PLEKHS1: variants seen among roughly 807,000 people sequenced by gnomAD.
PLEKHS1 encodes the protein pleckstrin homology domain-containing family S member 1.
In PLEKHS1, 55 loss-of-function variants were observed where a neutral mutation model predicts 51.0. The ratio of observed to expected loss-of-function variants is 1.08; its 90% confidence interval spans 0.87 to 1.35. The LOEUF (loss-of-function observed/expected upper bound fraction) is 1.35. PLEKHS1 is among the 40% of genes most tolerant of loss of function. The pLI is 0.00. For synonymous variants in PLEKHS1, 153 were observed against 144.8 expected (o/e 1.06, Z -0.41); for missense variants, 398 against 423.0 (o/e 0.94, Z 0.52).
rs1844278920 is a variant in PLEKHS1, at chr10:113,768,896, T to C, written c.435+6T>C. On this transcript the variant is annotated splice_donor_region_variant and intron_variant, in intron 6 of 11. Transcript: ENST00000361048. The stretch of plus-strand genomic sequence containing the variant: ...CAACACAGCAGAACACAGAGGTGAC[T>C]CCATATCACTAATAAAATAACAGGG... The C allele has an allele frequency of 6.2e-7, 1 of 1,603,380 alleles. No homozygotes were observed. The highest frequency in any genetic ancestry group is 8.5e-7 in the Non-Finnish European group (1 of 1,175,494).
chr10:113,775,093 A>C, intron 10 of PLEKHS1, 58 bp downstream of exon 10: 17 of 1,416,528 alleles, frequency 1.2e-5, no homozygotes, highest in African/African-American at 1.5e-5. Context: ...CCTCCCTCCC[A>C]CTTTTTTTTT....
At chr10:113,773,200 T>C (rs1013714506) in intron 8 of PLEKHS1, among the ~76,000 whole-genome samples, 1 of 152,186 alleles carries the variant, frequency 6.6e-6, no homozygotes, top group Admixed American at 6.5e-5. Context: ...GCATTGTAAA[T>C]AGTCAAGTCA....
intron 11 of PLEKHS1, 63 bp from the exon 12 acceptor site, chr10:113,777,061 G>A (rs574729114): frequency 3.5e-5 from 55 of 1,588,754 alleles, no homozygotes; most frequent in African/African-American, 1.1e-4. Flanking sequence ...GAGACCCTGC[G>A]TGCCCTGCCC....
chr10:113,778,639 C>CTTTT (rs1274079728), intron 11 of PLEKHS1, among the ~76,000 whole-genome samples: 1 of 93,990 alleles, frequency 1.1e-5, no homozygotes, highest in East Asian at 2.7e-4. Flanking sequence ...CATTCGTTCA[C>CTTTT]TTTCTTTTTT....
chr10:113,758,534 G>C (rs1217982317), intron 2 of PLEKHS1, among the ~76,000 whole-genome samples: 1 of 152,166 alleles, frequency 6.6e-6, no homozygotes, highest in Non-Finnish European at 1.5e-5. Context: ...TTGTTGCACT[G>C]ATAGAGCACA....
At position 113,773,748 on chromosome 10, in the gene PLEKHS1, AG is replaced by A. The variant is rs376581864; in HGVS notation, c.673-474del. ...GCCACAAGTGACTCTCTTTGTTCTAAGGGGGCTATGGAGAGCTTCCTAAGGG... is the reference window on the plus strand; with the variant it reads ...GCCACAAGTGACTCTCTTTGTTCTAAGGGGCTATGGAGAGCTTCCTAAGGG... On this transcript the variant is annotated intron_variant, in intron 8 of 11. Coordinates refer to ENST00000361048, the Ensembl canonical transcript of PLEKHS1. 1.3e-4 allele frequency among the ~76,000 whole-genome samples: 20 copies of A among 152,258 alleles called. No individual in the cohort carries two copies. The South Asian group carries it at 4.2e-3, about 32-fold the overall frequency.
intron 11 of PLEKHS1, chr10:113,777,976 C>A (rs1023287733): frequency 3.0e-6 from 1 of 335,596 alleles, no homozygotes; most frequent in South Asian, 3.3e-5. Context: ...GAAGACAGAG[C>A]GAGACCCTGT....
intron 2 of PLEKHS1, among the ~76,000 whole-genome samples, chr10:113,757,542 C>T (rs1490064691): frequency 2.0e-5 from 3 of 152,156 alleles, no homozygotes; most frequent in Non-Finnish European, 4.4e-5. Context: ...TTATCTGAGC[C>T]TTCAGTGAGT....
chr10:113,762,365 C>CTTT (rs34457408), intron 2 of PLEKHS1, among the ~76,000 whole-genome samples: 17 of 61,780 alleles, frequency 2.8e-4, no homozygotes, highest in East Asian at 5.0e-4. Context: ...AGATTTGTTC[C>CTTT]TTTTTTTTTT....
intron 7 of PLEKHS1, among the ~76,000 whole-genome samples, chr10:113,771,674 CAAAA>C (rs11383972): frequency 1.3e-5 from 1 of 74,610 alleles, no homozygotes. Context: ...GACTCTGTCT[CAAAA>C]AAAAAAAAAA....
intron 3 of PLEKHS1, 25 bp downstream of exon 3, chr10:113,766,524 A>G (rs374567672): frequency 6.7e-5 from 106 of 1,583,548 alleles, no homozygotes; most frequent in Non-Finnish European, 8.3e-5. Flanking sequence ...TGATTTAACA[A>G]GCCTCCCACC....
chr10:113,769,307 T>G (rs892795705), intron 6 of PLEKHS1, among the ~76,000 whole-genome samples: 1 of 152,234 alleles, frequency 6.6e-6, no homozygotes, highest in Non-Finnish European at 1.5e-5. Context: ...GCTTAGCAGT[T>G]TTAAGTTTTA....
At chr10:113,759,956 C>A (rs1014005877) in intron 2 of PLEKHS1, among the ~76,000 whole-genome samples, 3 of 152,112 alleles carry the variant, frequency 2.0e-5, no homozygotes, top group Non-Finnish European at 4.4e-5. Context: ...AAATTATCAC[C>A]TAAATCAGGA....
intron 2 of PLEKHS1, among the ~76,000 whole-genome samples, chr10:113,764,292 G>T (rs1052964632): frequency 6.6e-6 from 1 of 152,070 alleles, no homozygotes; most frequent in African/African-American, 2.4e-5. Flanking sequence ...TAGAGACAGG[G>T]TTTCACCATG....
At chr10:113,758,786 A>G (rs1843789069) in intron 2 of PLEKHS1, among the ~76,000 whole-genome samples, 1 of 152,172 alleles carries the variant, frequency 6.6e-6, no homozygotes, top group Admixed American at 6.5e-5. Context: ...AACATTTTTG[A>G]AGTTCACCAT....
Position 113,769,020 on chromosome 10 carries a change from G to A in PLEKHS1, c.435+130G>A, listed in dbSNP as rs1435656070. ...ACAAGGAATAAATAAATGAGAAAAT[G>A]TACATCCTTATTACTTTTTATGATT... On this transcript the variant is annotated intron_variant, in intron 6 of 11. Transcript: ENST00000361048. 6.9e-6 allele frequency: 4 copies of A among 581,660 alleles called. No individual in the cohort carries two copies. The East Asian group carries it at 9.5e-5, about 14-fold the overall frequency. 36.0% of individuals were successfully genotyped at this position (581,660 alleles called of 1,614,324 possible). A position where few individuals can be genotyped will look rare whatever the true frequency, so the allele number is the denominator to read the frequency against.
rs7920441 is a variant in PLEKHS1, at chr10:113,755,404, G to A, written c.28+99G>A. On this transcript the variant is annotated intron_variant, in intron 2 of 11. Transcript: ENST00000361048. ...CAGGATACAGAACTTGGTGGTTTTT[G>A]TGTATGTTGTTTTGTTTTGTTTTGT... 2.7e-3 allele frequency: 3,981 copies of A among 1,501,418 alleles called. 97 individuals are homozygous for A. The African/African-American group carries it at 0.049, about 19-fold the overall frequency. The allele number at this position is 1,501,418 out of a possible 1,614,324, so 93.0% of individuals were successfully genotyped here. A position where few individuals can be genotyped will look rare whatever the true frequency, so the allele number is the denominator to read the frequency against.
At chr10:113,757,569 G>T (rs1854180467) in intron 2 of PLEKHS1, among the ~76,000 whole-genome samples, 1 of 152,196 alleles carries the variant, frequency 6.6e-6, no homozygotes, top group Non-Finnish European at 1.5e-5. Flanking sequence ...CTTTTTGCTG[G>T]CAGAGGGTCT....
At position 113,754,511 on chromosome 10, in the gene PLEKHS1, C is replaced by T. The variant is rs544181906; in HGVS notation, c.-19-748C>T. On this transcript the variant is annotated intron_variant, in intron 1 of 11. Transcript: ENST00000361048. ...GTTATCCTCAGGAGTCTTGCTCTGT[C>T]GCCCAGGCTGGAGTGCAGTGGAGTG... is the stretch of plus-strand genomic sequence containing the variant. Among the ~76,000 whole-genome samples the T allele has an allele frequency of 3.3e-5, 5 of 152,204 alleles. No individual in the cohort carries two copies. In the South Asian group the frequency reaches 6.2e-4, roughly 19 times the overall value.
Sources: allele counts gnomAD v4.1 joint callset (sites outside exome capture counted in the v4.1 genomes callset), GRCh38; gene constraint gnomAD v4.1.1; transcripts MANE v1.5; gene names NCBI Gene and HGNC (gene_info 2026-07-23, HGNC 2026-07-21).